The following PHAF1 variants were observed in gnomAD, a reference collection of about 807,000 sequenced individuals.
PHAF1 encodes phagophore assembly factor 1.
In PHAF1, 23 loss-of-function variants were observed where a neutral mutation model predicts 63.1. That is an observed-to-expected ratio of 0.36 (90% confidence interval 0.26 to 0.52). PHAF1 has a LOEUF of 0.52. PHAF1 is among the 20% of genes least tolerant of loss of function. PHAF1 has a pLI of 0.93. For synonymous variants in PHAF1, 167 were observed against 185.0 expected (o/e 0.90, Z 0.79); for missense variants, 427 against 517.2 (o/e 0.83, Z 1.69).
chr16:67,116,190 T>C (rs765370635), intron 1 of PHAF1, among the ~76,000 whole-genome samples: 3 of 152,204 alleles, frequency 2.0e-5, no homozygotes, highest in Non-Finnish European at 4.4e-5. Flanking sequence ...GTTCATATTC[T>C]CAAACATTTA....
At chr16:67,122,199 C>T (rs777386998) in intron 2 of PHAF1, among the ~76,000 whole-genome samples, 44 of 152,180 alleles carry the variant, frequency 2.9e-4, no homozygotes, top group Non-Finnish European at 1.8e-4. Flanking sequence ...CGTGACCGGC[C>T]AAAATGTATT....
In PHAF1 at chr16:67,140,564, C is replaced by G; in HGVS notation, c.849C>G (p.Asp283Glu). The change falls in exon 10 of 16, where the codon GAC (aspartate) becomes GAG (glutamate). Residue 283 changes from aspartate (D) to glutamate (E), a missense_variant. Asp to Glu is a conservative substitution (Grantham distance 45). Transcript: ENST00000219139. ...PHKQVPSKCNDYFFNYFTLGV... is the reference protein window; with the variant it reads ...PHKQVPSKCNEYFFNYFTLGV... The stretch of plus-strand genomic sequence containing the variant: ...AACAAGTTCCATCGAAGTGTAATGA[C>G]TACTTTTTTAACTACTTCACTCTTG... The G allele has an allele frequency of 6.2e-7, 1 of 1,600,928 alleles. No homozygotes were observed.
intron 2 of PHAF1, among the ~76,000 whole-genome samples, chr16:67,123,346 ACGGGC>A (rs1364819703): frequency 5.3e-4 from 80 of 151,958 alleles, no homozygotes; most frequent in Non-Finnish European, 1.0e-4. Context: ...GGAGGCCGAG[ACGGGC>A]AGATCACTTC....
Position 67,120,313 on chromosome 16 carries a change from C to T in PHAF1, c.147+119C>T, listed in dbSNP as rs1962919985. The T allele has an allele frequency of 1.1e-5, 9 of 851,364 alleles. No individual in the cohort carries two copies. The Admixed American group carries it at 2.0e-4, about 19-fold the overall frequency. 52.7% of individuals were successfully genotyped at this position (851,364 alleles called of 1,614,324 possible). A position where few individuals can be genotyped will look rare whatever the true frequency, so the allele number is the denominator to read the frequency against. ...TAGCTGTGTTCGAATGGGAGAATCT[C>T]TAGCACCAGCCAGTTATCAAGTACC... On this transcript the variant is annotated intron_variant, in intron 2 of 15. Coordinates refer to ENST00000219139, the MANE Select transcript of PHAF1 (RefSeq NM_025187.5).
intron 2 of PHAF1, among the ~76,000 whole-genome samples, chr16:67,124,311 T>A (rs1351997482): frequency 6.6e-6 from 1 of 152,254 alleles, no homozygotes; most frequent in Non-Finnish European, 1.5e-5. Context: ...TTATCTTGCT[T>A]GAGACCTAAT....
chr16:67,122,454 G>T (rs1442933800), intron 2 of PHAF1, among the ~76,000 whole-genome samples: 1 of 151,834 alleles, frequency 6.6e-6, no homozygotes, highest in East Asian at 1.9e-4. Flanking sequence ...AACCTGGAGT[G>T]GTGGCACACA....
At chr16:67,124,911 A>AC in intron 2 of PHAF1, among the ~76,000 whole-genome samples, 1 of 152,166 alleles carries the variant, frequency 6.6e-6, no homozygotes, top group East Asian at 1.9e-4. Context: ...CAAAAAAAAA[A>AC]AAAAAAAGTA....
intron 2 of PHAF1, 134 bp from the exon 3 acceptor site, chr16:67,125,825 A>G: frequency 1.5e-6 from 1 of 651,834 alleles, no homozygotes; most frequent in South Asian, 1.9e-5. Flanking sequence ...GTTTCCAAGC[A>G]CCATTAGCTG....
intron 1 of PHAF1, among the ~76,000 whole-genome samples, chr16:67,111,513 T>C (rs957441448): frequency 2.6e-5 from 4 of 152,246 alleles, no homozygotes; most frequent in East Asian, 1.9e-4. Flanking sequence ...GGAAGACTTA[T>C]GTCTGTGGAG....
At chr16:67,121,799 C>CG (rs1962989581) in intron 2 of PHAF1, among the ~76,000 whole-genome samples, 5 of 152,172 alleles carry the variant, frequency 3.3e-5, no homozygotes, top group African/African-American at 1.2e-4. Context: ...AGGCTGGTCT[C>CG]GAACTCCTGA....
chr16:67,144,217 T>G (rs931938455), intron 10 of PHAF1, 77 bp from the exon 11 acceptor site: 2 of 1,037,138 alleles, frequency 1.9e-6, no homozygotes, highest in South Asian at 2.7e-5. Flanking sequence ...ATGTCCCAAG[T>G]TGGACATGCC....
Position 67,117,373 on chromosome 16 carries a change from C to T in PHAF1, c.65-2739C>T, listed in dbSNP as rs117145892. Among the ~76,000 whole-genome samples, 134 of 151,180 alleles carry T rather than the reference C, an allele frequency of 8.9e-4. 1 individual carries two copies. The East Asian group carries it at 0.022, about 25-fold the overall frequency. On this transcript the variant is annotated intron_variant, in intron 1 of 15. Transcript: ENST00000219139. ...CTGGAAACAAACTTTTTGGTGGTCT[C>T]AGTGAGTCCTTAGACTGTTGGAGAT...
At chr16:67,133,818 A>C (rs1447074757) in intron 6 of PHAF1, among the ~76,000 whole-genome samples, 1 of 151,296 alleles carries the variant, frequency 6.6e-6, no homozygotes, top group Non-Finnish European at 1.5e-5. Flanking sequence ...GGTGGTGCAC[A>C]CTTGTAGTCC....
intron 1 of PHAF1, among the ~76,000 whole-genome samples, chr16:67,119,904 C>T (rs963532025): frequency 1.3e-5 from 2 of 152,134 alleles, no homozygotes; most frequent in Admixed American, 1.3e-4. Flanking sequence ...GACACCTGTG[C>T]ACCGTCCAAG....
chr16:67,122,216 A>G (rs1963009565), intron 2 of PHAF1, among the ~76,000 whole-genome samples: 1 of 152,188 alleles, frequency 6.6e-6, no homozygotes, highest in African/African-American at 2.4e-5. Flanking sequence ...TATTTCTTAT[A>G]TCACCATCAT....
intron 2 of PHAF1, among the ~76,000 whole-genome samples, chr16:67,125,117 A>G (rs1483377920): frequency 6.6e-6 from 1 of 152,138 alleles, no homozygotes; most frequent in Non-Finnish European, 1.5e-5. Flanking sequence ...GTATTGGGCT[A>G]GATGCTTTCT....
chr16:67,120,030 C>T, intron 1 of PHAF1, 82 bp from the exon 2 acceptor site: 18 of 1,177,224 alleles, frequency 1.5e-5, no homozygotes, highest in Middle Eastern at 2.0e-4. Flanking sequence ...GGCTTTACTG[C>T]AGGGACCAGT....
intron 8 of PHAF1, chr16:67,134,777 C>G (rs1422274063): frequency 2.0e-6 from 1 of 498,272 alleles, no homozygotes; most frequent in South Asian, 1.5e-5. Flanking sequence ...TTTAACGGCA[C>G]TGATCTCAAT....
At chr16:67,130,524 T>G (rs1963354352) in intron 3 of PHAF1, among the ~76,000 whole-genome samples, 1 of 151,902 alleles carries the variant, frequency 6.6e-6, no homozygotes, top group East Asian at 1.9e-4. Context: ...AATTTTTGTA[T>G]TTTTGGTAGA....
Sources: allele counts gnomAD v4.1 joint callset (sites outside exome capture counted in the v4.1 genomes callset), GRCh38; gene constraint gnomAD v4.1.1; transcripts MANE v1.5; gene names NCBI Gene and HGNC (gene_info 2026-07-23, HGNC 2026-07-21).